HSPA4L: variants seen among roughly 807,000 people sequenced by gnomAD.
HSPA4L encodes the protein heat shock 70 kDa protein 4L.
A neutral mutation model predicts 100.3 loss-of-function variants in HSPA4L; 48 were observed. The ratio of observed to expected loss-of-function variants is 0.48; its 90% CI spans 0.38 to 0.61. The LOEUF (loss-of-function observed/expected upper bound fraction) is 0.61. HSPA4L is among the 20% of genes least tolerant of loss of function. HSPA4L has a pLI of 0.00. For missense variants in HSPA4L, 886 were observed against 988.6 expected (o/e 0.90, Z 1.39); for synonymous variants, 319 against 328.2 (o/e 0.97, Z 0.30).
Position 127,820,495 on chromosome 4 carries a change from A to C in HSPA4L, c.1742A>C (p.Asp581Ala). 1 of 1,603,438 alleles carries C rather than the reference A, an allele frequency of 6.2e-7. No individual in the cohort carries two copies. ...AAAAAAGGAAAAGTCAAAAGTATTG[A>C]TCTACCGATCCAGAGTAGCCTATGT... ...TLKKGKVKSI[D>A]LPIQSSLCRQ... The change falls in exon 14 of 19, where the codon GAT (aspartate) becomes GCT (alanine). Residue 581 changes from aspartate to alanine, a missense_variant. Transcript: ENST00000296464.
At chr4:127,827,281 T>C in intron 16 of HSPA4L, 24 bp from the exon 17 acceptor site, 12 of 1,593,346 alleles carry the variant, frequency 7.5e-6, no homozygotes, top group Non-Finnish European at 1.0e-5. Context: ...ATTTTTCTTC[T>C]TTAAAAATTT....
intron 11 of HSPA4L, among the ~76,000 whole-genome samples, chr4:127,809,767 C>G (rs953904875): frequency 6.6e-6 from 1 of 152,104 alleles, no homozygotes; most frequent in Non-Finnish European, 1.5e-5. Flanking sequence ...TCCCCAACCC[C>G]TAGCAAGTTT....
chr4:127,783,785 C>T, intron 1 of HSPA4L: 1 of 1,000,628 alleles, frequency 1.0e-6, no homozygotes, highest in Non-Finnish European at 1.5e-6. Flanking sequence ...GCCTCATTTA[C>T]TATTCTATGG....
In HSPA4L at chr4:127,811,448, A is replaced by G; in HGVS notation, c.1390A>G (p.Ile464Val). The G allele has an allele frequency of 6.2e-7, 1 of 1,613,714 alleles. No individual in the cohort carries two copies. The highest frequency in any genetic ancestry group is 8.5e-7 in the Non-Finnish European group (1 of 1,179,720). The change falls in exon 12 of 19, where the codon ATT becomes GTT. Residue 464 changes from isoleucine (I) to valine (V), a missense_variant. By Grantham distance (29) the Ile-to-Val change is conservative (BLOSUM62 3). Coordinates refer to ENST00000296464, the MANE Select transcript of HSPA4L (RefSeq NM_014278.4). Reference sequence around the variant, plus strand: ...CTTTTTTCCTTAAGGGAGCTTCACTATTCAGAATGTTTTTCCACAGTCTGA... The same window carrying G: ...CTTTTTTCCTTAAGGGAGCTTCACTGTTCAGAATGTTTTTCCACAGTCTGA... Reference protein sequence around the residue: ...YPDARIGSFTIQNVFPQSDGD... With the variant: ...YPDARIGSFTVQNVFPQSDGD...
intron 7 of HSPA4L, 30 bp from the exon 8 acceptor site, chr4:127,803,981 A>G: frequency 6.2e-7 from 1 of 1,612,202 alleles, no homozygotes; most frequent in Non-Finnish European, 8.5e-7. Context: ...TTAATCCCAG[A>G]ATAATGAATT....
At chr4:127,783,717 C>T in intron 1 of HSPA4L, 1 of 1,503,914 alleles carries the variant, frequency 6.6e-7, no homozygotes. Context: ...TCTGAATGGT[C>T]CAAAATATAA....
At chr4:127,817,851 A>G (rs1733708217) in intron 12 of HSPA4L, among the ~76,000 whole-genome samples, 1 of 151,766 alleles carries the variant, frequency 6.6e-6, no homozygotes, top group Admixed American at 6.6e-5. Context: ...TCTCTATTTT[A>G]TTTATTTTTA....
rs760651085 is a variant in HSPA4L at position 127,839,604 on chromosome 4, A to T, written c.*6730A>T. On this transcript the variant is annotated 3_prime_UTR_variant, in exon 19 of 19. Coordinates refer to ENST00000296464, the MANE Select transcript of HSPA4L (RefSeq NM_014278.4). ...GCTATTCGGGAGGCTGAGGCAAGAGAATTGCTTGAACCCGGGAGGTGGAGG... is the reference window on the plus strand; with the variant it reads ...GCTATTCGGGAGGCTGAGGCAAGAGTATTGCTTGAACCCGGGAGGTGGAGG... 2 of 151,998 alleles carry T rather than the reference A, an allele frequency of 1.3e-5. No individual in the cohort carries two copies. Among genetic ancestry groups the T allele is most frequent in the Admixed American group, 6.6e-5 (1 of 15,252 alleles). 9.4% of individuals were successfully genotyped at this position (151,998 alleles called of 1,614,324 possible). A position where few individuals can be genotyped will look rare whatever the true frequency, so the allele number is the denominator to read the frequency against.
At chr4:127,794,407 A>G (rs1737970525) in intron 2 of HSPA4L, among the ~76,000 whole-genome samples, 2 of 152,080 alleles carry the variant, frequency 1.3e-5, no homozygotes, top group Non-Finnish European at 2.9e-5. Flanking sequence ...ATGGTCCCTC[A>G]GGTGACCATC....
chr4:127,811,567 G>A lies in HSPA4L; in HGVS notation c.1509G>A (p.Leu503=), dbSNP rs576393170. ...CATCAGTAATTGAGAAGCAAAATTT[G>A]GAAGGCGATCACAGTGATGCTCCAA... ...ASASVIEKQN[L]EGDHSDAPME... is the part of the protein sequence containing the mutation. Residue 503 remains leucine, a synonymous_variant, in exon 12 of 19, where the codon TTG becomes TTA. Coordinates refer to ENST00000296464, the MANE Select transcript of HSPA4L (RefSeq NM_014278.4). 1 of 1,613,892 alleles carries A rather than the reference G, an allele frequency of 6.2e-7. No homozygotes were observed. Among genetic ancestry groups the A allele is most frequent in the African/African-American group, 1.3e-5 (1 of 74,990 alleles).
At chr4:127,821,415 A>G (rs1426723834) in intron 14 of HSPA4L, among the ~76,000 whole-genome samples, 1 of 152,192 alleles carries the variant, frequency 6.6e-6, no homozygotes, top group Non-Finnish European at 1.5e-5. Flanking sequence ...ATTGTAATTT[A>G]TAAAGGGATT....
chr4:127,815,212 T>C (rs538325927), intron 12 of HSPA4L, among the ~76,000 whole-genome samples: 1 of 152,246 alleles, frequency 6.6e-6, no homozygotes, highest in South Asian at 2.1e-4. Context: ...TAAAATAGCA[T>C]TGATTTTCCC....
At position 127,836,777 on chromosome 4, in the gene HSPA4L, AAAT is replaced by A. The variant is rs1438397679; in HGVS notation, c.*3909_*3911del. On this transcript the variant is annotated 3_prime_UTR_variant, in exon 19 of 19. Transcript: ENST00000296464. ...ATTCCTCCACTTTCATAAATTTGACAAATAATAAGCCTCTCCCATTAGGATTTT... is the reference window on the plus strand; with the variant it reads ...ATTCCTCCACTTTCATAAATTTGACAAATAAGCCTCTCCCATTAGGATTTT... 1 of 152,208 alleles carries A rather than the reference AAAT, an allele frequency of 6.6e-6. No individual in the cohort carries two copies. The highest frequency in any genetic ancestry group is 1.5e-5 in the Non-Finnish European group (1 of 68,042). The allele number at this position is 152,208 out of a possible 1,614,324, so 9.4% of individuals were successfully genotyped here. A position where few individuals can be genotyped will look rare whatever the true frequency, so the allele number is the denominator to read the frequency against.
Position 127,839,098 on chromosome 4 carries a change from T to C in HSPA4L, c.*6224T>C, listed in dbSNP as rs1734302268. ...CCTCATTTTTAATCCAAATATCAATTTGACAGAATAACAAGGGTCAGAAAT... is the reference window on the plus strand; with the variant it reads ...CCTCATTTTTAATCCAAATATCAATCTGACAGAATAACAAGGGTCAGAAAT... On this transcript the variant is annotated 3_prime_UTR_variant, in exon 19 of 19. Transcript: ENST00000296464. 1 of 152,188 alleles carries C rather than the reference T, an allele frequency of 6.6e-6. No homozygotes were observed. Among genetic ancestry groups the C allele is most frequent in the South Asian group, 2.1e-4 (1 of 4,830 alleles). 9.4% of individuals were successfully genotyped at this position (152,188 alleles called of 1,614,324 possible).
chr4:127,817,210 C>T (rs964077875), intron 12 of HSPA4L, among the ~76,000 whole-genome samples: 2 of 152,092 alleles, frequency 1.3e-5, no homozygotes, highest in African/African-American at 2.4e-5. Context: ...GGATTACAGG[C>T]GTGCACCACC....
chr4:127,838,059 T>A lies in HSPA4L; in HGVS notation c.*5185T>A, dbSNP rs1162738562. The A allele has an allele frequency of 6.6e-6, 1 of 152,264 alleles. No homozygotes were observed. Among genetic ancestry groups the A allele is most frequent in the Non-Finnish European group, 1.5e-5 (1 of 68,058 alleles). The allele number at this position is 152,264 out of a possible 1,614,324, so 9.4% of individuals were successfully genotyped here. On this transcript the variant is annotated 3_prime_UTR_variant, in exon 19 of 19. Coordinates refer to ENST00000296464, the MANE Select transcript of HSPA4L (RefSeq NM_014278.4). ...TTCAAATGATCCACCCACATCCACCTGCCAGAGTGCTGAGATTACAGGCGT... is the reference window on the plus strand; with the variant it reads ...TTCAAATGATCCACCCACATCCACCAGCCAGAGTGCTGAGATTACAGGCGT...
rs1185520448 is a variant in HSPA4L, at chr4:127,839,159, G to A, written c.*6285G>A. 1 of 152,082 alleles carries A rather than the reference G, an allele frequency of 6.6e-6. No individual in the cohort carries two copies. The highest frequency in any genetic ancestry group is 1.5e-5 in the Non-Finnish European group (1 of 68,022). 9.4% of individuals were successfully genotyped at this position (152,082 alleles called of 1,614,324 possible). ...TGTTAGACACCTTTGATTCTTTGCT[G>A]CTCTCTGGTTATGTATGTGTGTTGT... On this transcript the variant is annotated 3_prime_UTR_variant, in exon 19 of 19. Coordinates refer to ENST00000296464, the MANE Select transcript of HSPA4L (RefSeq NM_014278.4).
chr4:127,816,666 A>G (rs1328077252), intron 12 of HSPA4L, among the ~76,000 whole-genome samples: 1 of 152,224 alleles, frequency 6.6e-6, no homozygotes, highest in African/African-American at 2.4e-5. Context: ...AGAAAACACT[A>G]GAGGCTATAT....
rs1187048348 is a variant in HSPA4L at position 127,782,422 on chromosome 4, T to C, written c.-129T>C. 6.9e-6 allele frequency: 5 copies of C among 720,998 alleles called. No individual in the cohort carries two copies. In the African/African-American group the frequency reaches 7.0e-5, roughly 10 times the overall value. The allele number at this position is 720,998 out of a possible 1,614,324, so 44.7% of individuals were successfully genotyped here. A position where few individuals can be genotyped will look rare whatever the true frequency, so the allele number is the denominator to read the frequency against. On this transcript the variant is annotated 5_prime_UTR_variant, in exon 1 of 19. Transcript: ENST00000296464. ...CGACTCCCTGCCCTAGATTTTCTGC[T>C]TAGCGACTTGGGGTCCCCTCTCGTT... is the stretch of plus-strand genomic sequence containing the variant.
Sources: gnomAD v4.1 joint callset for allele counts (sites outside exome capture counted in the v4.1 genomes callset) on GRCh38, gnomAD v4.1.1 for gene constraint, MANE v1.5 for transcripts, NCBI Gene and HGNC (gene_info 2026-07-23, HGNC 2026-07-21) for gene names.